Variants in TAL1 observed in about 807,000 individuals in gnomAD.
TAL1 encodes T-cell acute lymphocytic leukemia protein 1.
A neutral mutation model predicts 17.9 loss-of-function variants in TAL1; 8 were observed. The ratio of observed to expected loss-of-function variants is 0.45; its 90% CI spans 0.26 to 0.81. The LOEUF is 0.81. Among genes scored for constraint, TAL1 ranks in the 30% least tolerant of loss-of-function variants. The pLI, the probability that TAL1 is intolerant of heterozygous loss-of-function variation, is 0.17. For synonymous variants in TAL1, 223 were observed against 218.6 expected (o/e 1.02, Z -0.18); for missense variants, 466 against 486.9 (o/e 0.96, Z 0.40).
At chr1:47,226,933 A>G (rs1643921561) in intron 1 of TAL1, among the ~76,000 whole-genome samples, 1 of 152,220 alleles carries the variant, frequency 6.6e-6, no homozygotes, top group Admixed American at 6.5e-5. Context: ...TCCTTTATGC[A>G]TTTGAAAGTG....
At chr1:47,221,139 G>A (rs556922235) in intron 3 of TAL1, among the ~76,000 whole-genome samples, 1 of 152,328 alleles carries the variant, frequency 6.6e-6, no homozygotes, top group South Asian at 2.1e-4. Flanking sequence ...TTATCCTAAG[G>A]GTGATGGAAA....
chr1:47,225,196 C>T (rs79468381), intron 2 of TAL1, among the ~76,000 whole-genome samples: 1,843 of 152,310 alleles, frequency 0.012, 36 homozygotes, highest in African/African-American at 0.041. Flanking sequence ...TCGGCTTCCA[C>T]ACAGCCATGC....
chr1:47,219,884 C>G (rs1645580890), exon 4 of TAL1: 2 of 1,575,986 alleles, frequency 1.3e-6, no homozygotes, highest in African/African-American at 2.7e-5. Context: ...AGGAGGTCAT[C>G]TGGGGGCGCG....
exon 4 of TAL1, chr1:47,219,268 T>C: frequency 2.2e-6 from 1 of 452,128 alleles, no homozygotes; most frequent in Non-Finnish European, 4.2e-6. Flanking sequence ...AGCTATTGGG[T>C]ACCTATAAAT....
At chr1:47,226,746 A>C (rs1403027837) in intron 1 of TAL1, among the ~76,000 whole-genome samples, 1 of 152,176 alleles carries the variant, frequency 6.6e-6, no homozygotes, top group Non-Finnish European at 1.5e-5. Flanking sequence ...GTCGAGTCTC[A>C]AAGAGAGGCC....
intron 3 of TAL1, among the ~76,000 whole-genome samples, chr1:47,222,752 G>A (rs2148588409): frequency 6.6e-6 from 1 of 152,012 alleles, no homozygotes. Context: ...TCTCTGGCCA[G>A]CACTGAGTAG....
At chr1:47,225,692 C>A (rs769090200) in exon 2 of TAL1, 78 of 1,431,190 alleles carry the variant, frequency 5.5e-5, no homozygotes, top group Admixed American at 9.1e-5. Context: ...GCCGCCCCCA[C>A]CGGCAGGGCC....
At chr1:47,229,995 T>C (rs1163446372), upstream of TAL1, 4 of 152,124 alleles carry the variant, frequency 2.6e-5, no homozygotes, top group East Asian at 3.9e-4. Context: ...TCAGGTCCTT[T>C]CTCGTCTCCC....
exon 3 of TAL1, chr1:47,224,046 C>T: frequency 1.9e-6 from 3 of 1,613,920 alleles, no homozygotes; most frequent in Non-Finnish European, 2.5e-6. Flanking sequence ...CTCCTCTTCA[C>T]TCGATTGTTG....
rs1011180684 is a variant in TAL1, at chr1:47,225,550, G to T, written c.339C>A (p.Pro113=). ...TCAGCTGCACCATGCGGCCGTCGCC[G>T]GGCAGCTCCGCTGTAACCGAGGCGG... The change falls in exon 2 of 4, where the codon CCC becomes CCA. Residue 113 remains proline, a synonymous_variant. Coordinates refer to ENST00000294339, the Ensembl canonical transcript of TAL1. The T allele has an allele frequency of 2.1e-5, 27 of 1,274,250 alleles. No homozygotes were observed. In the African/African-American group the frequency reaches 4.0e-4, roughly 19 times the overall value. 78.9% of individuals were successfully genotyped at this position (1,274,250 alleles called of 1,614,324 possible).
At chr1:47,217,030 C>T (rs1470129319) in exon 4 of TAL1, 1 of 231,890 alleles carries the variant, frequency 4.3e-6, no homozygotes, top group Non-Finnish European at 8.5e-6. Context: ...TGCCAGTGTT[C>T]CCATATCTCT....
exon 4 of TAL1, chr1:47,219,196 G>C: frequency 2.3e-6 from 1 of 433,652 alleles, no homozygotes; most frequent in Non-Finnish European, 4.4e-6. Flanking sequence ...TGACTCTGCA[G>C]CATCTGGCAA....
Position 47,224,123 on chromosome 1 carries a change from C to A in TAL1, c.447-25G>T, listed in dbSNP as rs753425218. Reference sequence around the variant, plus strand: ...GCTGTGGGAGGGAACGGGCAGATCACAAGATCCCATGTTGAGGGGAGGGGA... The same window carrying A: ...GCTGTGGGAGGGAACGGGCAGATCAAAAGATCCCATGTTGAGGGGAGGGGA... On this transcript the variant is annotated intron_variant, in intron 2 of 3. Transcript: ENST00000294339. 21 of 1,609,512 alleles carry A rather than the reference C, an allele frequency of 1.3e-5. No homozygotes were observed. In the South Asian group the frequency reaches 2.3e-4, roughly 18 times the overall value.
rs1047190454 is a variant in TAL1 at position 47,218,395 on chromosome 1, A to G, written c.*1325T>C. The stretch of plus-strand genomic sequence containing the variant: ...TTCTTCACTTTACAAAAGGACTTGC[A>G]GTGGTTATTTCTTTAAAAGATGAAG... On this transcript the variant is annotated 3_prime_UTR_variant, in exon 4 of 4. Transcript: ENST00000294339. 1.3e-5 allele frequency: 3 copies of G among 232,690 alleles called. No homozygotes were observed. The Admixed American group carries it at 1.7e-4, about 13-fold the overall frequency. 14.4% of individuals were successfully genotyped at this position (232,690 alleles called of 1,614,324 possible).
chr1:47,222,290 G>A (rs1000346723), intron 3 of TAL1, among the ~76,000 whole-genome samples: 2 of 152,334 alleles, frequency 1.3e-5, no homozygotes, highest in African/African-American at 2.4e-5. Flanking sequence ...TAAGACCAGT[G>A]TTATGAGGGT....
exon 4 of TAL1, chr1:47,218,929 A>G (rs868694965): frequency 2.4e-5 from 6 of 254,704 alleles, no homozygotes; most frequent in African/African-American, 1.1e-4. Context: ...CTCTTGCTCC[A>G]TATCACTCTA....
chr1:47,220,848 A>G (rs1643776751), intron 3 of TAL1, among the ~76,000 whole-genome samples: 1 of 152,228 alleles, frequency 6.6e-6, no homozygotes, highest in South Asian at 2.1e-4. Flanking sequence ...TGGAGCTTAC[A>G]TGTTAATGGG....
exon 4 of TAL1, chr1:47,217,507 G>A (rs929903362): frequency 2.8e-5 from 11 of 398,418 alleles, no homozygotes; most frequent in Non-Finnish European, 4.4e-5. Context: ...CAGGCACACC[G>A]GCCTACTGCC....
intron 1 of TAL1, chr1:47,228,835 G>C (rs920782858): frequency 6.3e-6 from 1 of 157,546 alleles, no homozygotes; most frequent in Non-Finnish European, 1.4e-5. Flanking sequence ...GCACTAGCCA[G>C]GAAGGCTGCC....
Sources: allele counts gnomAD v4.1 joint callset (sites outside exome capture counted in the v4.1 genomes callset), GRCh38; gene constraint gnomAD v4.1.1; transcripts MANE v1.5; gene names NCBI Gene and HGNC (gene_info 2026-07-23, HGNC 2026-07-21).